Variants in FAM184A observed in about 807,000 individuals in gnomAD.
FAM184A encodes protein FAM184A.
Under a neutral mutation model 143.8 loss-of-function variants are expected in FAM184A, and 99 were observed. That is an observed-to-expected ratio of 0.69 (90% CI 0.58 to 0.81). The LOEUF is 0.81. FAM184A is among the 40% of genes least tolerant of loss of function. The probability of loss-of-function intolerance (pLI) is 0.00; values close to 1 mark genes in which losing one functional copy is unlikely to be tolerated. For missense variants in FAM184A, 1,217 were observed against 1,310.5 expected (o/e 0.93, Z 1.10); for synonymous variants, 427 against 446.4 (o/e 0.96, Z 0.55).
intron 1 of FAM184A, among the ~76,000 whole-genome samples, chr6:119,115,970 AACACACACACACACACACAC>A (rs66707302): frequency 5.7e-4 from 78 of 137,396 alleles, no homozygotes; most frequent in African/African-American, 2.1e-3. Context: ...CTCCGTCTCA[AACACACACACACACACACAC>A]ACACACACAC....
chr6:119,120,078 A>T (rs942368085), intron 1 of FAM184A, among the ~76,000 whole-genome samples: 8 of 152,234 alleles, frequency 5.3e-5, no homozygotes, highest in Non-Finnish European at 8.8e-5. Context: ...TGTTTTTAGC[A>T]TATTCACAGA....
chr6:119,006,333 A>T, intron 7 of FAM184A, 114 bp downstream of exon 7: 1 of 1,010,500 alleles, frequency 9.9e-7, no homozygotes. Flanking sequence ...TGGTAGTTCT[A>T]AGAACTAATA....
At chr6:119,046,476 C>T (rs974735913) in intron 1 of FAM184A, among the ~76,000 whole-genome samples, 18 of 151,810 alleles carry the variant, frequency 1.2e-4, no homozygotes, top group African/African-American at 3.9e-4. Flanking sequence ...CCACCTGCCT[C>T]GGCCTGAAAA....
chr6:119,055,024 C>T (rs1289629078), intron 1 of FAM184A, among the ~76,000 whole-genome samples: 1 of 152,102 alleles, frequency 6.6e-6, no homozygotes, highest in Admixed American at 6.6e-5. Context: ...AAAGGAAACA[C>T]CACAGCCATC....
intron 1 of FAM184A, among the ~76,000 whole-genome samples, chr6:119,124,194 G>T (rs1789298184): frequency 6.6e-6 from 1 of 152,128 alleles, no homozygotes; most frequent in Non-Finnish European, 1.5e-5. Flanking sequence ...TTTATCTTTT[G>T]TTTCATTTGG....
intron 1 of FAM184A, among the ~76,000 whole-genome samples, chr6:119,102,001 A>C (rs1178102729): frequency 6.6e-6 from 1 of 152,152 alleles, no homozygotes; most frequent in African/African-American, 2.4e-5. Context: ...GGTTGCAGTG[A>C]GCCGAGATCA....
rs143339166 is a variant in FAM184A, at chr6:119,024,251, C to G, written c.722G>C (p.Arg241Pro). 2 of 1,614,162 alleles carry G rather than the reference C, an allele frequency of 1.2e-6. No individual in the cohort carries two copies. The highest frequency in any genetic ancestry group is 2.2e-5 in the East Asian group (1 of 44,884). Residue 241 changes from arginine (R) to proline (P), a missense_variant, in exon 2 of 18, where the codon CGG becomes CCG. Coordinates refer to ENST00000338891, the MANE Select transcript of FAM184A (RefSeq NM_024581.6). Reference sequence around the variant, plus strand: ...TTCATAATCCTCAATTAGTTTCTTCCGTTCAAGTCTTAGCTCCTCAAGCAT... The same window carrying G: ...TTCATAATCCTCAATTAGTTTCTTCGGTTCAAGTCTTAGCTCCTCAAGCAT... The part of the protein sequence containing the change: ...NKMLEELRLE[R>P]KKLIEDYEGK...
chr6:119,016,877 C>G lies in FAM184A; in HGVS notation c.1400G>C (p.Arg467Thr), dbSNP rs1785274243. The change falls in exon 5 of 18, where the codon AGA becomes ACA. Residue 467 changes from arginine to threonine, a missense_variant. By Grantham distance (71) the Arg-to-Thr change is moderately conservative. Transcript: ENST00000338891. ...TAATTGAGTCACCTCCTCTTCCAATCTACTTTGCAGGTTTTTAAGTTCCCT... is the reference window on the plus strand; with the variant it reads ...TAATTGAGTCACCTCCTCTTCCAATGTACTTTGCAGGTTTTTAAGTTCCCT... ...YERELKNLQSRLEEEVTQLNE... is the reference protein window; with the variant it reads ...YERELKNLQSTLEEEVTQLNE... 1 of 1,614,040 alleles carries G rather than the reference C, an allele frequency of 6.2e-7. No individual in the cohort carries two copies. Among genetic ancestry groups the G allele is most frequent in the Non-Finnish European group, 8.5e-7 (1 of 1,179,922 alleles).
chr6:119,102,135 T>G (rs1218034306), intron 1 of FAM184A, among the ~76,000 whole-genome samples: 2 of 152,138 alleles, frequency 1.3e-5, no homozygotes, highest in East Asian at 3.8e-4. Flanking sequence ...TGAATAATAT[T>G]CTATCATGGA....
intron 9 of FAM184A, among the ~76,000 whole-genome samples, chr6:119,001,199 GC>G (rs1212993476): frequency 2.0e-5 from 3 of 149,710 alleles, no homozygotes; most frequent in Non-Finnish European, 3.0e-5. Context: ...ATCTTTTTGT[GC>G]ACTTGTTTTC....
At chr6:119,121,793 T>C (rs756446099) in intron 1 of FAM184A, among the ~76,000 whole-genome samples, 2 of 152,218 alleles carry the variant, frequency 1.3e-5, no homozygotes, top group African/African-American at 4.8e-5. Flanking sequence ...GGCATGAAGA[T>C]CTGAACTGTC....
At chr6:119,003,159 T>C in intron 8 of FAM184A, 110 bp from the exon 9 acceptor site, 1 of 993,090 alleles carries the variant, frequency 1.0e-6, no homozygotes, top group Non-Finnish European at 1.4e-6. Context: ...CAAAAGTCTA[T>C]GATGCTGAGG....
chr6:119,007,031 A>G (rs1238307414), intron 6 of FAM184A, among the ~76,000 whole-genome samples: 2 of 152,202 alleles, frequency 1.3e-5, no homozygotes, highest in Admixed American at 6.5e-5. Flanking sequence ...TGCAAAGGGG[A>G]TAAATTTAGG....
At position 119,084,830 on chromosome 6, in the gene FAM184A, C is replaced by T. The variant is rs567919475; in HGVS notation, c.-201-60017G>A. Among the ~76,000 whole-genome samples, 10 of 152,366 alleles carry T rather than the reference C, an allele frequency of 6.6e-5. No homozygotes were observed. In the South Asian group the frequency reaches 8.3e-4, roughly 13 times the overall value. ...CCTCAACTCTTGCACTCTGCACATCCGCAGGCTTCATACCACCAAGGTTTA... is the reference window on the plus strand; with the variant it reads ...CCTCAACTCTTGCACTCTGCACATCTGCAGGCTTCATACCACCAAGGTTTA... On this transcript the variant is annotated intron_variant, in intron 1 of 16. Transcript: ENST00000352896.
At chr6:119,111,340 T>G (rs1788924577) in intron 1 of FAM184A, among the ~76,000 whole-genome samples, 1 of 151,964 alleles carries the variant, frequency 6.6e-6, no homozygotes, top group Non-Finnish European at 1.5e-5. Context: ...AGTAGAATGG[T>G]GATTGACAGG....
chr6:119,107,965 A>C (rs1445345830), intron 1 of FAM184A, among the ~76,000 whole-genome samples: 1 of 152,146 alleles, frequency 6.6e-6, no homozygotes, highest in African/African-American at 2.4e-5. Flanking sequence ...ATTCTTTACA[A>C]ATATGAACTG....
At position 118,987,240 on chromosome 6, in the gene FAM184A, C is replaced by T. The variant is rs1784223509; in HGVS notation, c.2089-6890G>A. 2.0e-5 allele frequency among the ~76,000 whole-genome samples: 3 copies of T among 152,290 alleles called. No homozygotes were observed. The South Asian group carries it at 6.2e-4, about 32-fold the overall frequency. On this transcript the variant is annotated intron_variant, in intron 9 of 17. Coordinates refer to ENST00000338891, the MANE Select transcript of FAM184A (RefSeq NM_024581.6). ...TACATACTGTCTATAAGTATTTTCA[C>T]ACTACAATGGCATAGAGTTTCTGCC... is the stretch of plus-strand genomic sequence containing the variant.
chr6:119,067,451 TATTTGTAA>T (rs1042351830), intron 1 of FAM184A, among the ~76,000 whole-genome samples: 1 of 152,220 alleles, frequency 6.6e-6, no homozygotes, highest in African/African-American at 2.4e-5. Context: ...ATGGACTCCC[TATTTGTAA>T]ATTATCTTAC....
intron 1 of FAM184A, among the ~76,000 whole-genome samples, chr6:119,129,059 C>A (rs1395424816): frequency 6.6e-6 from 1 of 152,214 alleles, no homozygotes; most frequent in Non-Finnish European, 1.5e-5. Context: ...CAAAACTCAA[C>A]TCTTTCAACC....
Sources: gnomAD v4.1 joint callset for allele counts (sites outside exome capture counted in the v4.1 genomes callset) on GRCh38, gnomAD v4.1.1 for gene constraint, MANE v1.5 for transcripts, NCBI Gene and HGNC (gene_info 2026-07-23, HGNC 2026-07-21) for gene names.